Variants in ARHGEF18 observed in about 807,000 individuals in gnomAD.
ARHGEF18 encodes Rho/Rac guanine nucleotide exchange factor 18.
Under a neutral mutation model 155.7 loss-of-function variants are expected in ARHGEF18, and 93 were observed. That is an observed-to-expected ratio of 0.60 (90% CI 0.50 to 0.71). The LOEUF is 0.71. ARHGEF18 is among the 30% of genes least tolerant of loss of function. ARHGEF18 has a pLI of 0.00. For synonymous variants in ARHGEF18, 742 were observed against 753.1 expected (o/e 0.99, Z 0.24); for missense variants, 1,593 against 1,816.1 (o/e 0.88, Z 2.23).
rs1970437397 is a variant in ARHGEF18, at chr19:7,375,854, C to T, written c.410C>T (p.Ala137Val). The T allele has an allele frequency of 1.6e-6, 2 of 1,234,342 alleles. No homozygotes were observed. Among genetic ancestry groups the T allele is most frequent in the South Asian group, 4.1e-5 (1 of 24,424 alleles). 76.5% of individuals were successfully genotyped at this position (1,234,342 alleles called of 1,614,324 possible). A position where few individuals can be genotyped will look rare whatever the true frequency, so the allele number is the denominator to read the frequency against. ...QGCLSGGGTP[A>V]ESPGKECDSP... Reference sequence around the variant, plus strand: ...TGTCTCTCTGGGGGCGGGACCCCCGCAGAGAGCCCAGGCAAGGTGGGTATA... The same window carrying T: ...TGTCTCTCTGGGGGCGGGACCCCCGTAGAGAGCCCAGGCAAGGTGGGTATA... The change falls in exon 4 of 29, where the codon GCA becomes GTA. Residue 137 changes from alanine (A) to valine (V), a missense_variant. Coordinates refer to ENST00000668164, the MANE Select transcript of ARHGEF18 (RefSeq NM_001367823.1).
chr19:7,365,518 G>A (rs754259252), intron 2 of ARHGEF18, among the ~76,000 whole-genome samples: 18 of 152,200 alleles, frequency 1.2e-4, no homozygotes, highest in Admixed American at 2.6e-4. Flanking sequence ...TTAGCCCTGC[G>A]CCCTCCCTGG....
At chr19:7,433,137 G>A (rs1200173772) in intron 10 of ARHGEF18, among the ~76,000 whole-genome samples, 1 of 150,854 alleles carries the variant, frequency 6.6e-6, no homozygotes, top group Middle Eastern at 3.6e-3. Context: ...CTCTAGCCTA[G>A]ATGATGGAGC....
chr19:7,395,730 A>G lies in ARHGEF18; in HGVS notation c.967+12527A>G, dbSNP rs1008170561. Among the ~76,000 whole-genome samples, 1 of 152,180 alleles carries G rather than the reference A, an allele frequency of 6.6e-6. No individual in the cohort carries two copies. The highest frequency in any genetic ancestry group is 1.5e-5 in the Non-Finnish European group (1 of 68,024). ...GTTTGGGTGCAAAACCGTGAGAACTATCTGTGCCATGGGTTTTAGTTTCTT... is the reference window on the plus strand; with the variant it reads ...GTTTGGGTGCAAAACCGTGAGAACTGTCTGTGCCATGGGTTTTAGTTTCTT... On this transcript the variant is annotated intron_variant, in intron 10 of 28. Transcript: ENST00000668164. The surrounding 1 kb of genome is among the most constrained non-coding windows in gnomAD (Gnocchi z 5.0).
At chr19:7,402,653 G>T (rs1288953837) in intron 10 of ARHGEF18, among the ~76,000 whole-genome samples, 1 of 152,130 alleles carries the variant, frequency 6.6e-6, no homozygotes, top group African/African-American at 2.4e-5. Flanking sequence ...AGGAAGACTG[G>T]GGGGTAAAGC....
At chr19:7,461,872 C>A (rs75664117) in intron 20 of ARHGEF18, among the ~76,000 whole-genome samples, 3 of 152,208 alleles carry the variant, frequency 2.0e-5, no homozygotes, top group South Asian at 2.1e-4. Flanking sequence ...AGGCTGGTCT[C>A]GAACTCCAGG....
intron 17 of ARHGEF18, among the ~76,000 whole-genome samples, chr19:7,454,074 G>A (rs1479353034): frequency 1.3e-5 from 2 of 151,464 alleles, no homozygotes; most frequent in Non-Finnish European, 1.5e-5. Context: ...CATCATCTTG[G>A]ATTGGTAGGT....
At chr19:7,460,237 G>A (rs1231994955) in intron 20 of ARHGEF18, among the ~76,000 whole-genome samples, 4 of 152,040 alleles carry the variant, frequency 2.6e-5, no homozygotes, top group African/African-American at 9.7e-5. Flanking sequence ...GAGGACCTGA[G>A]CCCCTTCCAG....
chr19:7,373,239 C>A (rs1002977203), intron 3 of ARHGEF18, among the ~76,000 whole-genome samples, 168 bp downstream of exon 3: 3 of 152,150 alleles, frequency 2.0e-5, no homozygotes, highest in Admixed American at 2.0e-4. Flanking sequence ...TTCCATGGAC[C>A]CAGGGGGACA....
intron 1 of ARHGEF18, among the ~76,000 whole-genome samples, chr19:7,356,723 C>T (rs10407235): frequency 0.11 from 16,885 of 152,190 alleles, 2,982 homozygotes; most frequent in African/African-American, 0.37. Flanking sequence ...TTGTCTCCGG[C>T]TCCCCACTGC....
Position 7,466,965 on chromosome 19 carries a change from G to A in ARHGEF18, c.2952G>A (p.Leu984=), listed in dbSNP as rs201568075. Residue 984 remains leucine, a synonymous_variant, in exon 24 of 29, where the codon CTG becomes CTA. Coordinates refer to ENST00000668164, the MANE Select transcript of ARHGEF18 (RefSeq NM_001367823.1). ...CCGATCCCCGTCTGCCCACCGTCCT[G>A]GAGTCGGAGGTAGGCGCCCGCGGGT... is the stretch of plus-strand genomic sequence containing the variant. ...TESDPRLPTV[L]ESELVQRIQT... 5.0e-6 allele frequency: 8 copies of A among 1,613,412 alleles called. No homozygotes were observed. The East Asian group carries it at 1.8e-4, about 36-fold the overall frequency.
chr19:7,414,021 G>A (rs1430896018), intron 10 of ARHGEF18, among the ~76,000 whole-genome samples: 1 of 152,162 alleles, frequency 6.6e-6, no homozygotes, highest in Non-Finnish European at 1.5e-5. Flanking sequence ...GTACCGGGAT[G>A]CTTAGATTCC....
At chr19:7,394,063 G>C (rs1971544142) in intron 10 of ARHGEF18, among the ~76,000 whole-genome samples, 1 of 151,378 alleles carries the variant, frequency 6.6e-6, no homozygotes, top group African/African-American at 2.4e-5. Flanking sequence ...CTGTTGTCCA[G>C]GCTGGAGTGC....
chr19:7,441,322 G>A (rs1600453047), intron 11 of ARHGEF18, among the ~76,000 whole-genome samples: 1 of 151,886 alleles, frequency 6.6e-6, no homozygotes, highest in African/African-American at 2.4e-5. Context: ...TGGGATTACA[G>A]GCACCTGCCA....
intron 13 of ARHGEF18, among the ~76,000 whole-genome samples, chr19:7,443,615 C>T (rs1974807947): frequency 6.6e-6 from 1 of 152,134 alleles, no homozygotes; most frequent in Non-Finnish European, 1.5e-5. Context: ...GTTCGAATTT[C>T]GACATACGAA....
intron 10 of ARHGEF18, among the ~76,000 whole-genome samples, chr19:7,435,199 CAA>C (rs572479060): frequency 7.0e-6 from 1 of 143,348 alleles, no homozygotes. Flanking sequence ...GACTCCATCT[CAA>C]AAAAAAAAAG....
Position 7,395,304 on chromosome 19 carries a change from G to A in ARHGEF18, c.967+12101G>A, listed in dbSNP as rs1014020785. 1.2e-4 allele frequency: 115 copies of A among 985,632 alleles called. No homozygotes were observed. The highest frequency in any genetic ancestry group is 1.3e-4 in the Non-Finnish European group (112 of 830,194). The allele number at this position is 985,632 out of a possible 1,614,324, so 61.1% of individuals were successfully genotyped here. A position where few individuals can be genotyped will look rare whatever the true frequency, so the allele number is the denominator to read the frequency against. The stretch of plus-strand genomic sequence containing the variant: ...AACGGGGCTCAGGAGGGGGCCCTCG[G>A]TCTCTTCAGGGGGTGGCCTGGGGCG... On this transcript the variant is annotated intron_variant, in intron 10 of 28. Coordinates refer to ENST00000668164, the MANE Select transcript of ARHGEF18 (RefSeq NM_001367823.1). The surrounding 1 kb of genome is among the most constrained non-coding windows in gnomAD (Gnocchi z 5.0).
At chr19:7,394,685 A>AC (rs1971587952) in intron 10 of ARHGEF18, among the ~76,000 whole-genome samples, 1 of 127,122 alleles carries the variant, frequency 7.9e-6, no homozygotes, top group African/African-American at 3.1e-5. Flanking sequence ...ACTGTGCTGT[A>AC]CCCCCCTTGA....
rs758721422 is a variant in ARHGEF18, at chr19:7,441,745, C to A, written c.1199C>A (p.Thr400Asn). 28 of 1,614,100 alleles carry A rather than the reference C, an allele frequency of 1.7e-5. No homozygotes were observed. In the Admixed American group the frequency reaches 4.7e-4, roughly 27 times the overall value. The change falls in exon 12 of 29, where the codon ACC becomes AAC. Residue 400 changes from threonine to asparagine, a missense_variant. Thr to Asn is a moderately conservative substitution (Grantham distance 65). Transcript: ENST00000668164. ...DDSLSLTSPN[T>N]ESIFVEDPYT... ...TCTCTGTCCCTTACATCTCCAAACA[C>A]CGAGTCCATTTTTGTAGAAGGTATG...
Position 7,442,840 on chromosome 19 carries a change from C to T in ARHGEF18, c.1360+788C>T, listed in dbSNP as rs550375089. 1.7e-4 allele frequency among the ~76,000 whole-genome samples: 26 copies of T among 152,278 alleles called. No individual in the cohort carries two copies. In the South Asian group the frequency reaches 5.2e-3, roughly 30 times the overall value. ...GAAGGCCCCATTTCCTGGCTTCCTG[C>T]TGGTGGCATCTGGCTGTGTCCTCAC... is the stretch of plus-strand genomic sequence containing the variant. On this transcript the variant is annotated intron_variant, in intron 13 of 28. Transcript: ENST00000668164.
Sources: allele counts gnomAD v4.1 joint callset (sites outside exome capture counted in the v4.1 genomes callset), GRCh38; gene constraint gnomAD v4.1.1; non-coding constraint Gnocchi (gnomAD v3.1); transcripts MANE v1.5; gene names NCBI Gene and HGNC (gene_info 2026-07-23, HGNC 2026-07-21).